Variants in ARHGEF12 observed in about 807,000 individuals in gnomAD.
The protein encoded by ARHGEF12 is Rho guanine nucleotide exchange factor 12, also known as KMT2A/ARHGEF12 fusion protein.
In ARHGEF12, 66 loss-of-function variants were observed where a neutral mutation model predicts 211.2. The ratio of observed to expected loss-of-function variants is 0.31; its 90% CI spans 0.26 to 0.38. The LOEUF (loss-of-function observed/expected upper bound fraction) is 0.38, where lower values mean the gene tolerates loss of function less well. Among genes scored for constraint, ARHGEF12 ranks in the 10% least tolerant of loss-of-function variants. ARHGEF12 has a pLI of 1.00. For missense variants in ARHGEF12, 1,429 were observed against 1,869.5 expected (o/e 0.76, Z 4.34); for synonymous variants, 592 against 638.4 (o/e 0.93, Z 1.09).
intron 1 of ARHGEF12, among the ~76,000 whole-genome samples, chr11:120,384,406 T>A (rs1943968218): frequency 6.6e-6 from 1 of 152,262 alleles, no homozygotes; most frequent in African/African-American, 2.4e-5. Flanking sequence ...TTTCATTCGT[T>A]ACTTATATAT....
chr11:120,455,838 A>G (rs1390490790), intron 22 of ARHGEF12, among the ~76,000 whole-genome samples: 5 of 152,242 alleles, frequency 3.3e-5, no homozygotes, highest in Admixed American at 3.3e-4. Flanking sequence ...TTTGACAGCA[A>G]TAAAAGAAAA....
chr11:120,444,745 G>A (rs1945993694), intron 15 of ARHGEF12, among the ~76,000 whole-genome samples: 1 of 152,056 alleles, frequency 6.6e-6, no homozygotes, highest in Non-Finnish European at 1.5e-5. Flanking sequence ...TGGGGGTGGG[G>A]GAAAACAACA....
chr11:120,417,531 G>A (rs1186039092), intron 4 of ARHGEF12, among the ~76,000 whole-genome samples: 1 of 127,224 alleles, frequency 7.9e-6, no homozygotes, highest in Non-Finnish European at 1.6e-5. Context: ...TTTTTGAGAT[G>A]GAGTCTCTCA....
At chr11:120,484,355 G>A (rs1288232817) in intron 39 of ARHGEF12, 83 bp from the exon 40 acceptor site, 3 of 1,247,226 alleles carry the variant, frequency 2.4e-6, no homozygotes, top group Non-Finnish European at 3.4e-6. Flanking sequence ...ATGTAAAAAG[G>A]GCTTCTTTTC....
At chr11:120,347,246 TTC>T (rs36062191) in intron 1 of ARHGEF12, among the ~76,000 whole-genome samples, 1,585 of 129,908 alleles carry the variant, frequency 0.012, 28 homozygotes, top group African/African-American at 0.039. Flanking sequence ...CTCTCTCTGT[TTC>T]TCTCTCTCTC....
intron 6 of ARHGEF12, 23 bp from the exon 7 acceptor site, chr11:120,424,335 A>G: frequency 6.3e-7 from 1 of 1,596,064 alleles, no homozygotes. Context: ...TATCTGACAT[A>G]CACTACTTTC....
At chr11:120,455,816 G>A (rs1591615749) in intron 22 of ARHGEF12, among the ~76,000 whole-genome samples, 1 of 152,290 alleles carries the variant, frequency 6.6e-6, no homozygotes, top group African/African-American at 2.4e-5. Context: ...AGACTTGATA[G>A]AATTATATAA....
chr11:120,408,532 C>T (rs1408377783), intron 3 of ARHGEF12: 1 of 152,036 alleles, frequency 6.6e-6, no homozygotes, highest in Non-Finnish European at 1.5e-5. Flanking sequence ...TTTTTGTGCA[C>T]ATACTATTTT....
intron 1 of ARHGEF12, among the ~76,000 whole-genome samples, chr11:120,348,633 G>A (rs1299817310): frequency 2.0e-5 from 3 of 152,136 alleles, no homozygotes; most frequent in African/African-American, 4.8e-5. Context: ...CCTGAGGTTG[G>A]GAGTTTGAGA....
chr11:120,369,497 G>A (rs1375741297), intron 1 of ARHGEF12, among the ~76,000 whole-genome samples: 8 of 152,162 alleles, frequency 5.3e-5, no homozygotes, highest in Non-Finnish European at 7.3e-5. Context: ...TTCAGAACTG[G>A]TGCTTATTGG....
chr11:120,441,526 A>G (rs1188170698), intron 13 of ARHGEF12, among the ~76,000 whole-genome samples, 181 bp from the exon 14 acceptor site: 1 of 152,186 alleles, frequency 6.6e-6, no homozygotes, highest in East Asian at 1.9e-4. Context: ...GAGGTGGTTA[A>G]TGTTCACAGA....
chr11:120,479,809 A>ATTG, intron 37 of ARHGEF12, 151 bp from the exon 38 acceptor site: 1 of 644,326 alleles, frequency 1.6e-6, no homozygotes, highest in Non-Finnish European at 2.6e-6. Context: ...AAGTAAGATG[A>ATTG]TTGTATGAAA....
chr11:120,373,396 C>T (rs559090625), intron 1 of ARHGEF12, among the ~76,000 whole-genome samples: 1 of 152,228 alleles, frequency 6.6e-6, no homozygotes, highest in African/African-American at 2.4e-5. Context: ...ACATTCTGTT[C>T]TCTACAATGT....
Position 120,478,335 on chromosome 11 carries a change from G to A in ARHGEF12, c.3712G>A (p.Asp1238Asn), listed in dbSNP as rs375546425. 9 of 1,614,152 alleles carry A rather than the reference G, an allele frequency of 5.6e-6. No homozygotes were observed. Among genetic ancestry groups the A allele is most frequent in the Non-Finnish European group, 7.6e-6 (9 of 1,180,026 alleles). The change falls in exon 37 of 41, where the codon GAT becomes AAT. Residue 1238 changes from aspartate to asparagine, a missense_variant. By Grantham distance (23) the Asp-to-Asn change is conservative. Transcript: ENST00000397843. ...VGEDYQIAIP[D>N]SHLPVSEERW... ...AGAAGATTATCAAATCGCAATCCCA[G>A]ATTCACACCTGCCTGTCTCAGAAGA...
chr11:120,357,890 A>G (rs948135589), intron 1 of ARHGEF12, among the ~76,000 whole-genome samples: 2 of 151,990 alleles, frequency 1.3e-5, no homozygotes, highest in African/African-American at 4.8e-5. Context: ...ATTAATAAGG[A>G]CATAGAGGTG....
chr11:120,479,540 A>C (rs1243439001), intron 37 of ARHGEF12, among the ~76,000 whole-genome samples: 3 of 152,232 alleles, frequency 2.0e-5, no homozygotes, highest in Non-Finnish European at 4.4e-5. Flanking sequence ...CTGGATCTGG[A>C]AAAAGCAGAA....
Position 120,488,205 on chromosome 11 carries a change from T to A in ARHGEF12, c.*3128T>A, listed in dbSNP as rs1947444509. 4.6e-6 allele frequency: 1 copy of A among 215,384 alleles called. No individual in the cohort carries two copies. The highest frequency in any genetic ancestry group is 1.9e-4 in the South Asian group (1 of 5,362). The allele number at this position is 215,384 out of a possible 1,614,324, so 13.3% of individuals were successfully genotyped here. Reference sequence around the variant, plus strand: ...CTGGCATCTTTGTTTTCCTCTTTGATGTTAGTAAATTTGGTGTAATACGTG... The same window carrying A: ...CTGGCATCTTTGTTTTCCTCTTTGAAGTTAGTAAATTTGGTGTAATACGTG... On this transcript the variant is annotated 3_prime_UTR_variant, in exon 41 of 41. Transcript: ENST00000397843.
At chr11:120,362,361 T>A (rs545479148) in intron 1 of ARHGEF12, among the ~76,000 whole-genome samples, 1 of 152,330 alleles carries the variant, frequency 6.6e-6, no homozygotes, top group African/African-American at 2.4e-5. Flanking sequence ...ACTCACTACA[T>A]TTCCTCTGCA....
chr11:120,440,037 T>C, intron 12 of ARHGEF12, 92 bp from the exon 13 acceptor site: 1 of 867,068 alleles, frequency 1.2e-6, no homozygotes, highest in South Asian at 1.6e-5. Context: ...ACCATTTAAG[T>C]GAACCATGTC....
Sources: gnomAD v4.1 joint callset for allele counts (sites outside exome capture counted in the v4.1 genomes callset) on GRCh38, gnomAD v4.1.1 for gene constraint, MANE v1.5 for transcripts, NCBI Gene and HGNC (gene_info 2026-07-23, HGNC 2026-07-21) for gene names.